The following DCLK2 variants were observed in gnomAD, a reference collection of about 807,000 sequenced individuals.
DCLK2 encodes serine/threonine-protein kinase DCLK2.
A neutral mutation model predicts 78.4 loss-of-function variants in DCLK2; 31 were observed. The observed-to-expected ratio is 0.40, with a 90% CI of 0.30 to 0.53. DCLK2 has a LOEUF of 0.53. Among genes scored for constraint, DCLK2 ranks in the 20% least tolerant of loss-of-function variants. The pLI, the probability that DCLK2 is intolerant of heterozygous loss-of-function variation, is 0.61. For synonymous variants in DCLK2, 407 were observed against 374.9 expected, an observed-to-expected ratio of 1.09 and a Z score of -0.99; for missense variants, 872 against 973.7, an observed-to-expected ratio of 0.90 and a Z score of 1.39.
intron 1 of DCLK2, among the ~76,000 whole-genome samples, chr4:150,092,388 G>A (rs1730145943): frequency 6.6e-6 from 1 of 152,102 alleles, no homozygotes; most frequent in Non-Finnish European, 1.5e-5. Context: ...CTTTCACACT[G>A]TTTCCATAGC....
Position 150,256,042 on chromosome 4 carries a change from G to T in DCLK2, c.2096G>T (p.Gly699Val). ...CAGAACACGGCTCTAGATAAGGAGG[G>T]GCAGATTTTCTGCAGCAAGCACTGT... Reference protein sequence around the residue: ...VIMNTALDKEGQIFCSKHCQD... With the variant: ...VIMNTALDKEVQIFCSKHCQD... The change falls in exon 16 of 16, where the codon GGG (glycine) becomes GTG (valine). Residue 699 changes from glycine (G) to valine (V), a missense_variant. Coordinates refer to ENST00000296550, the MANE Select transcript of DCLK2 (RefSeq NM_001040260.4). 2 of 1,612,718 alleles carry T rather than the reference G, an allele frequency of 1.2e-6. No individual in the cohort carries two copies. Among genetic ancestry groups the T allele is most frequent in the Non-Finnish European group, 1.7e-6 (2 of 1,179,798 alleles).
chr4:150,223,408 A>G (rs1473572220), intron 7 of DCLK2, among the ~76,000 whole-genome samples: 2 of 152,212 alleles, frequency 1.3e-5, no homozygotes, highest in Non-Finnish European at 2.9e-5. Context: ...ACTCAAAGAC[A>G]TTTTTGGCAT....
intron 4 of DCLK2, among the ~76,000 whole-genome samples, chr4:150,203,339 T>C (rs1363517152): frequency 6.6e-6 from 1 of 152,220 alleles, no homozygotes; most frequent in East Asian, 1.9e-4. Flanking sequence ...TATTATGGTG[T>C]ACTTGATTTG....
At chr4:150,172,607 CAAAAA>C (rs34267089) in intron 2 of DCLK2, among the ~76,000 whole-genome samples, 3 of 70,150 alleles carry the variant, frequency 4.3e-5, no homozygotes, top group Admixed American at 3.5e-4. Flanking sequence ...GACTCCGTCT[CAAAAA>C]AAAAAAAAAA....
intron 2 of DCLK2, among the ~76,000 whole-genome samples, chr4:150,174,885 C>T (rs113881401): frequency 0.035 from 5,048 of 146,132 alleles, 279 homozygotes; most frequent in African/African-American, 0.12. Context: ...GTAATCCCAG[C>T]TACTCAGGAG....
intron 5 of DCLK2, among the ~76,000 whole-genome samples, chr4:150,214,650 T>C (rs1740545162): frequency 6.6e-6 from 1 of 152,148 alleles, no homozygotes; most frequent in Non-Finnish European, 1.5e-5. Flanking sequence ...AATATTACTT[T>C]CTGGTCTTTC....
At chr4:150,148,883 A>C (rs1003693328) in intron 2 of DCLK2, among the ~76,000 whole-genome samples, 2 of 151,250 alleles carry the variant, frequency 1.3e-5, no homozygotes, top group Non-Finnish European at 2.9e-5. Context: ...AAATACAAAA[A>C]TTAGCCAGGC....
chr4:150,200,796 T>C (rs1169537475), intron 4 of DCLK2, among the ~76,000 whole-genome samples: 2 of 152,214 alleles, frequency 1.3e-5, no homozygotes, highest in East Asian at 3.8e-4. Flanking sequence ...AATAGCTAAA[T>C]AGTATGTAAA....
At chr4:150,173,693 A>C (rs1397177961) in intron 2 of DCLK2, among the ~76,000 whole-genome samples, 1 of 152,218 alleles carries the variant, frequency 6.6e-6, no homozygotes, top group Admixed American at 6.5e-5. Flanking sequence ...CCTCTCAGGC[A>C]GTATGAAAAT....
At chr4:150,105,327 C>A (rs746365031) in intron 2 of DCLK2, among the ~76,000 whole-genome samples, 32 of 151,916 alleles carry the variant, frequency 2.1e-4, no homozygotes, top group South Asian at 8.3e-4. Flanking sequence ...ATGAAAAAGA[C>A]AAATGCTACA....
intron 6 of DCLK2, among the ~76,000 whole-genome samples, chr4:150,221,063 C>G (rs727426): frequency 0.58 from 87,535 of 152,084 alleles, 26,944 homozygotes; most frequent in South Asian, 0.83. Flanking sequence ...TTTCCTTTCT[C>G]TCAATTAGAT....
At chr4:150,114,241 G>T (rs891702791) in intron 2 of DCLK2, among the ~76,000 whole-genome samples, 1 of 152,128 alleles carries the variant, frequency 6.6e-6, no homozygotes, top group Non-Finnish European at 1.5e-5. Flanking sequence ...AGAATGTTCT[G>T]TAAATATCTG....
chr4:150,205,398 G>C (rs868863255), intron 5 of DCLK2, among the ~76,000 whole-genome samples: 10 of 152,326 alleles, frequency 6.6e-5, no homozygotes, highest in African/African-American at 1.7e-4. Flanking sequence ...ATCTGTTTTT[G>C]TGCCTGCTTG....
In DCLK2 at chr4:150,096,866, A is replaced by G. The variant is rs115808666; in HGVS notation, c.422-5612A>G. ...AAAAACAGATGAGGACTGGCAGTGA[A>G]TGGAAGCCAAAAGCACATTAGGTAG... On this transcript the variant is annotated intron_variant, in intron 1 of 15. Transcript: ENST00000296550. Among the ~76,000 whole-genome samples, 217 of 152,282 alleles carry G rather than the reference A, an allele frequency of 1.4e-3. 1 individual carries two copies. Among genetic ancestry groups the G allele is most frequent in the African/African-American group, 4.9e-3 (204 of 41,574 alleles).
intron 2 of DCLK2, among the ~76,000 whole-genome samples, chr4:150,175,162 A>T (rs1481688153): frequency 3.2e-5 from 4 of 126,460 alleles, no homozygotes; most frequent in African/African-American, 6.5e-5. Flanking sequence ...TATATTTATA[A>T]TTTATATATA....
chr4:150,121,354 C>A (rs1288336296), intron 2 of DCLK2, among the ~76,000 whole-genome samples: 2 of 152,200 alleles, frequency 1.3e-5, no homozygotes, highest in African/African-American at 4.8e-5. Flanking sequence ...GTTGCCATTT[C>A]AACAATGTTC....
At chr4:150,098,871 T>A (rs1237961016) in intron 1 of DCLK2, among the ~76,000 whole-genome samples, 4 of 152,024 alleles carry the variant, frequency 2.6e-5, no homozygotes, top group African/African-American at 9.7e-5. Context: ...AATTTTTATA[T>A]TTTTAGCAGA....
intron 2 of DCLK2, among the ~76,000 whole-genome samples, chr4:150,161,913 G>A (rs567044728): frequency 6.6e-6 from 1 of 152,168 alleles, no homozygotes; most frequent in African/African-American, 2.4e-5. Context: ...TAACCTTACT[G>A]CTAGGGGCTT....
chr4:150,119,763 A>AG (rs1732383253), intron 2 of DCLK2, among the ~76,000 whole-genome samples: 1 of 152,152 alleles, frequency 6.6e-6, no homozygotes, highest in South Asian at 2.1e-4. Context: ...GAAAAAAAAA[A>AG]AGAAGAAAAT....
Sources: gnomAD v4.1 joint callset for allele counts (sites outside exome capture counted in the v4.1 genomes callset) on GRCh38, gnomAD v4.1.1 for gene constraint, MANE v1.5 for transcripts, NCBI Gene and HGNC (gene_info 2026-07-23, HGNC 2026-07-21) for gene names.